Variants in MTMR8 observed in about 807,000 individuals in gnomAD.
MTMR8 encodes the protein myotubularin related protein 8.
A neutral mutation model predicts 39.3 loss-of-function variants in MTMR8; 65 were observed. The ratio of observed to expected loss-of-function variants is 1.65; its 90% CI spans 1.35 to 2.03. The LOEUF (loss-of-function observed/expected upper bound fraction) is 2.03, where lower values mean the gene tolerates loss of function less well. MTMR8 is among the 30% of genes most tolerant of loss of function. The pLI, the probability that MTMR8 is intolerant of heterozygous loss-of-function variation, is 0.00. For missense variants in MTMR8, 777 were observed against 538.9 expected (o/e 1.44, Z -4.37); for synonymous variants, 245 against 185.2 (o/e 1.32, Z -2.62).
At chrX:64,284,222 C>A (rs1259768380) in intron 12 of MTMR8, among the ~76,000 whole-genome samples, 1 of 111,497 alleles carries the variant, frequency 9.0e-6, no homozygotes, top group Non-Finnish European at 1.9e-5. Flanking sequence ...GAAAGGGTAT[C>A]AATGATTGAA....
At chrX:64,372,615 A>C (rs1163443779) in intron 1 of MTMR8, among the ~76,000 whole-genome samples, 1 of 111,770 alleles carries the variant, frequency 8.9e-6, no homozygotes, top group Non-Finnish European at 1.9e-5. Flanking sequence ...CACCCAGCAT[A>C]ATTCTCTTAA....
chrX:64,344,363 G>T (rs901134211), intron 7 of MTMR8, among the ~76,000 whole-genome samples: 5 of 111,381 alleles, frequency 4.5e-5, no homozygotes, highest in African/African-American at 1.6e-4. Flanking sequence ...AGAGGTCATG[G>T]CAGACTACGC....
At chrX:64,318,701 GT>G (rs1368895527) in intron 12 of MTMR8, among the ~76,000 whole-genome samples, 1 of 89,440 alleles carries the variant, frequency 1.1e-5, no homozygotes, top group Non-Finnish European at 2.1e-5. Context: ...GTTTGGTTTG[GT>G]TTTTTGTTTT....
At chrX:64,375,183 A>G (rs1035763151) in intron 1 of MTMR8, among the ~76,000 whole-genome samples, 24 of 110,283 alleles carry the variant, frequency 2.2e-4, no homozygotes, top group Non-Finnish European at 4.4e-4. Context: ...AAACACAGCA[A>G]AACCCCATCT....
chrX:64,387,733 A>C (rs1283332841), intron 1 of MTMR8, among the ~76,000 whole-genome samples: 1 of 107,605 alleles, frequency 9.3e-6, no homozygotes, highest in African/African-American at 3.4e-5. Flanking sequence ...GAAGGAAAAG[A>C]CAAAAAGGAA....
chrX:64,360,271 CAT>C (rs1225708983), intron 1 of MTMR8: 3 of 169,782 alleles, frequency 1.8e-5, no homozygotes, highest in Non-Finnish European at 3.4e-5. Flanking sequence ...TAAATATAAA[CAT>C]ATTGTATAAT....
chrX:64,333,288 C>A lies in MTMR8; in HGVS notation c.1152-1531G>T, dbSNP rs561726192. Among the ~76,000 whole-genome samples the A allele has an allele frequency of 2.7e-5, 3 of 111,560 alleles. No individual in the cohort carries two copies. The East Asian group carries it at 8.5e-4, about 32-fold the overall frequency. Reference sequence around the variant, plus strand: ...TACAGCTCATACAAATTTTCAACTACCTTGTCAAACCCCTAATCCATTTCA... The same window carrying A: ...TACAGCTCATACAAATTTTCAACTAACTTGTCAAACCCCTAATCCATTTCA... On this transcript the variant is annotated intron_variant, in intron 10 of 13. Coordinates refer to ENST00000374852, the MANE Select transcript of MTMR8 (RefSeq NM_017677.4).
chrX:64,359,052 A>C (rs746616586), intron 2 of MTMR8, among the ~76,000 whole-genome samples: 2 of 111,221 alleles, frequency 1.8e-5, no homozygotes, highest in African/African-American at 6.5e-5. Flanking sequence ...TACGCTACAG[A>C]TGCTGCTGGT....
intron 10 of MTMR8, among the ~76,000 whole-genome samples, chrX:64,333,602 C>G (rs1922998312): frequency 9.0e-6 from 1 of 111,640 alleles, no homozygotes; most frequent in Admixed American, 9.6e-5. Context: ...AGAAACTGCT[C>G]AAATATCTCC....
At chrX:64,292,846 G>A (rs1569211836) in intron 12 of MTMR8, among the ~76,000 whole-genome samples, 1 of 111,321 alleles carries the variant, frequency 9.0e-6, no homozygotes, top group Non-Finnish European at 1.9e-5. Context: ...GAAAAAAATG[G>A]TGTCACTGCC....
chrX:64,296,318 GA>G (rs754821735), intron 12 of MTMR8, among the ~76,000 whole-genome samples: 1 of 111,477 alleles, frequency 9.0e-6, no homozygotes, highest in East Asian at 2.8e-4. Flanking sequence ...GCTGGGAGGG[GA>G]AAATGGAGAG....
intron 1 of MTMR8, among the ~76,000 whole-genome samples, chrX:64,389,765 G>A (rs1039243489): frequency 8.9e-6 from 1 of 111,968 alleles, no homozygotes; most frequent in Non-Finnish European, 1.9e-5. Flanking sequence ...CACTTATAAT[G>A]TGCCAGGCCC....
Position 64,345,119 on chromosome X carries a change from G to C in MTMR8, c.791C>G (p.Ala264Gly), listed in dbSNP as rs374734042. 1.3e-5 allele frequency: 16 copies of C among 1,209,201 alleles called. No individual in the cohort carries two copies. Among genetic ancestry groups the C allele is most frequent in the Non-Finnish European group, 1.8e-5 (16 of 894,408 alleles). The change falls in exon 7 of 14, where the codon GCC becomes GGC. Residue 264 changes from alanine to glycine, a missense_variant. Ala to Gly is a moderately conservative substitution (Grantham distance 60, BLOSUM62 0). Transcript: ENST00000374852. The stretch of plus-strand genomic sequence containing the variant: ...GCCCATGAATCTGAAGCGAATGTTG[G>C]CATAGTTGTCTTCATTTTCATACCC... ...GKGYENEDNY[A>G]NIRFRFMGIE...
chrX:64,283,180 C>T (rs950455893), intron 12 of MTMR8, among the ~76,000 whole-genome samples: 8 of 112,144 alleles, frequency 7.1e-5, no homozygotes, highest in Admixed American at 1.9e-4. Flanking sequence ...AGATTATATC[C>T]GGCACCTGGC....
At chrX:64,305,918 C>T (rs1922097463) in intron 12 of MTMR8, 2 of 220,147 alleles carry the variant, frequency 9.1e-6, no homozygotes, top group South Asian at 7.7e-5. Flanking sequence ...AGTTAGAGAC[C>T]AGCCTAGGCA....
intron 1 of MTMR8, 82 bp downstream of exon 1, chrX:64,395,258 G>A (rs1924790394): frequency 1.9e-6 from 2 of 1,030,755 alleles, no homozygotes; most frequent in African/African-American, 3.7e-5. Context: ...GGCTGAGAAG[G>A]CTGAGGAGGT....
chrX:64,315,240 A>T (rs769969489), intron 12 of MTMR8, among the ~76,000 whole-genome samples: 92 of 111,819 alleles, frequency 8.2e-4, no homozygotes, highest in Non-Finnish European at 1.6e-3. Context: ...ATGGCAAGAG[A>T]GGGTTGCTCC....
chrX:64,277,462 T>C (rs968806999), intron 12 of MTMR8, among the ~76,000 whole-genome samples: 1 of 111,942 alleles, frequency 8.9e-6, no homozygotes, highest in Non-Finnish European at 1.9e-5. Flanking sequence ...TCTCTCAGCA[T>C]TTGCTTGTCT....
At position 64,353,703 on chromosome X, in the gene MTMR8, T is replaced by A. The variant is rs369731675; in HGVS notation, c.468+1074A>T. Among the ~76,000 whole-genome samples, 38 of 111,549 alleles carry A rather than the reference T, an allele frequency of 3.4e-4. No homozygotes were observed. The East Asian group carries it at 7.5e-3, about 22-fold the overall frequency. On this transcript the variant is annotated intron_variant, in intron 4 of 13. Coordinates refer to ENST00000374852, the MANE Select transcript of MTMR8 (RefSeq NM_017677.4). ...TGGTTCACACCTATAATCCCAGCAC[T>A]TTGAGAGGCCAAGGAGGGAGGATCG...
Sources: allele counts gnomAD v4.1 joint callset (sites outside exome capture counted in the v4.1 genomes callset), GRCh38; gene constraint gnomAD v4.1.1; transcripts MANE v1.5; gene names NCBI Gene and HGNC (gene_info 2026-07-23, HGNC 2026-07-21).